Variants in TIAL1 observed in about 807,000 individuals in gnomAD.
TIAL1 encodes nucleolysin TIAR.
Under a neutral mutation model 59.7 loss-of-function variants are expected in TIAL1, and 7 were observed. That is an observed-to-expected ratio of 0.12 (90% CI 0.07 to 0.22). The LOEUF is 0.22. TIAL1 is among the 10% of genes least tolerant of loss of function. TIAL1 has a pLI of 1.00. For synonymous variants in TIAL1, 149 were observed against 146.3 expected, an observed-to-expected ratio of 1.02 and a Z score of -0.13; for missense variants, 225 against 462.5, an observed-to-expected ratio of 0.49 and a Z score of 4.71.
chr10:119,595,476 A>G (rs1214507487), intron 1 of TIAL1, among the ~76,000 whole-genome samples: 3 of 151,888 alleles, frequency 2.0e-5, no homozygotes, highest in Non-Finnish European at 1.5e-5. Context: ...GGAGTGCCAC[A>G]CTATTCAGAA....
chr10:119,584,995 C>T (rs1163023073), intron 2 of TIAL1, among the ~76,000 whole-genome samples: 1 of 151,502 alleles, frequency 6.6e-6, no homozygotes, highest in Non-Finnish European at 1.5e-5. Context: ...TGATGGCACG[C>T]ACCTGTAGTC....
chr10:119,575,626 AGCC>A lies in TIAL1; in HGVS notation c.*36_*38del. The A allele has an allele frequency of 6.2e-7, 1 of 1,611,356 alleles. No homozygotes were observed. Among genetic ancestry groups the A allele is most frequent in the East Asian group, 2.2e-5 (1 of 44,784 alleles). On this transcript the variant is annotated 3_prime_UTR_variant, in exon 12 of 12. Coordinates refer to ENST00000436547, the MANE Select transcript of TIAL1 (RefSeq NM_003252.4). ...TCTTCAGAGTGTCACAGGAAATCGA[AGCC>A]TATCATGAATTACAATTTTTTTTTA...
intron 10 of TIAL1, 137 bp from the exon 11 acceptor site, chr10:119,576,887 T>C: frequency 7.3e-7 from 1 of 1,375,386 alleles, no homozygotes. Context: ...ATTGTCTAAG[T>C]TTATTGGGGT....
chr10:119,579,219 T>C (rs1011984928), intron 6 of TIAL1, among the ~76,000 whole-genome samples: 1 of 152,064 alleles, frequency 6.6e-6, no homozygotes, highest in African/African-American at 2.4e-5. Context: ...ATGCTTGTAA[T>C]CCCAGCTACT....
chr10:119,590,750 C>G (rs80265729), intron 1 of TIAL1, among the ~76,000 whole-genome samples: 5 of 73,026 alleles, frequency 6.8e-5, no homozygotes, highest in East Asian at 3.7e-4. Context: ...GAGAGAGAGA[C>G]AGAGAGAAAG....
At position 119,582,385 on chromosome 10, in the gene TIAL1, G is replaced by T; in HGVS notation, c.228+74C>A. On this transcript the variant is annotated intron_variant, in intron 3 of 11. Transcript: ENST00000436547. This position sits in a 1 kb window ranked among gnomAD's most constrained non-coding sequence, Gnocchi z 5.1. ...CAGCCGAATATCTGCTCAAAAATTT[G>T]CCTAGAAAGAATACAAACTAGTTTG... The T allele has an allele frequency of 6.6e-7, 1 of 1,513,434 alleles. No individual in the cohort carries two copies. The highest frequency in any genetic ancestry group is 8.8e-7 in the Non-Finnish European group (1 of 1,134,528). The allele number at this position is 1,513,434 out of a possible 1,614,324, so 93.8% of individuals were successfully genotyped here.
At chr10:119,581,631 A>AT (rs1481051047) in intron 5 of TIAL1, 6 of 240,978 alleles carry the variant, frequency 2.5e-5, no homozygotes, top group Non-Finnish European at 4.8e-5. Flanking sequence ...GCTAGACTTT[A>AT]TAAGTTTTAC....
chr10:119,590,918 T>C (rs1469511256), intron 1 of TIAL1, among the ~76,000 whole-genome samples: 1 of 152,150 alleles, frequency 6.6e-6, no homozygotes, highest in African/African-American at 2.4e-5. Context: ...ATAAAACTGG[T>C]TTTCACATAT....
Position 119,574,572 on chromosome 10 carries a change from C to G in TIAL1, c.*1093G>C, listed in dbSNP as rs540733236. The G allele has an allele frequency of 9.9e-5, 3 of 30,328 alleles. No individual in the cohort carries two copies. Among genetic ancestry groups the G allele is most frequent in the Admixed American group, 5.0e-4 (1 of 1,996 alleles). 1.9% of individuals were successfully genotyped at this position (30,328 alleles called of 1,614,324 possible). ...GGTTTTAATCAAGGTATTTACATAC[C>G]AAGTAATGTAAAGCAAAAAAAAAAA... On this transcript the variant is annotated 3_prime_UTR_variant, in exon 12 of 12. Transcript: ENST00000436547.
At chr10:119,585,042 G>T (rs1007883456) in intron 2 of TIAL1, among the ~76,000 whole-genome samples, 1 of 144,110 alleles carries the variant, frequency 6.9e-6, no homozygotes, top group Non-Finnish European at 1.5e-5. Context: ...AGAATCACTT[G>T]AACCCAGGAG....
intron 1 of TIAL1, among the ~76,000 whole-genome samples, chr10:119,593,252 T>A (rs1845982713): frequency 6.6e-6 from 1 of 152,116 alleles, no homozygotes; most frequent in Non-Finnish European, 1.5e-5. Flanking sequence ...ATCTTGTTTG[T>A]TTTTTTAGAT....
rs2134024269 is a variant in TIAL1, at chr10:119,596,555, C to T, written c.-90G>A. On this transcript the variant is annotated 5_prime_UTR_variant, in exon 1 of 12. Transcript: ENST00000436547. ...GGAGGAAGGGGAGGGGGGCTCTGGGCACCGGCTGGGGACAGAGGAAAAGGC... is the reference window on the plus strand; with the variant it reads ...GGAGGAAGGGGAGGGGGGCTCTGGGTACCGGCTGGGGACAGAGGAAAAGGC... 2.1e-6 allele frequency: 2 copies of T among 964,576 alleles called. No individual in the cohort carries two copies. The highest frequency in any genetic ancestry group is 2.7e-5 in the East Asian group (1 of 37,306). 59.8% of individuals were successfully genotyped at this position (964,576 alleles called of 1,614,324 possible).
rs1238265718 is a variant in TIAL1, at chr10:119,575,688, T to C, written c.1105A>G (p.Met369Val). 25 of 1,613,206 alleles carry C rather than the reference T, an allele frequency of 1.5e-5. No homozygotes were observed. The highest frequency in any genetic ancestry group is 1.9e-5 in the Non-Finnish European group (23 of 1,179,646). ...IPPPNQAGYG[M>V]ASYQTQ ...GCTCACTGTGTTTGGTAACTTGCCA[T>C]ACCATATCCGGCTTGGTTAGGAGGA... The change falls in exon 12 of 12, where the codon ATG becomes GTG. Residue 369 changes from methionine (M) to valine (V), a missense_variant. Met to Val is a conservative substitution (Grantham distance 21). This residue lies in a region of TIAL1 where 68 missense variants were observed against 71.3 expected (regional missense o/e 0.95). Transcript: ENST00000436547.
chr10:119,575,925 A>G (rs971269010), intron 11 of TIAL1, 134 bp from the exon 12 acceptor site: 13 of 835,656 alleles, frequency 1.6e-5, no homozygotes, highest in Non-Finnish European at 2.1e-5. Context: ...AAATAGAAAG[A>G]TCAAAGAAAT....
chr10:119,596,642 G>C lies in TIAL1; in HGVS notation c.-177C>G. On this transcript the variant is annotated 5_prime_UTR_variant, in exon 1 of 12. Transcript: ENST00000436547. ...GCTCCGGACACTGCGCTCCAACCAG[G>C]AGGAGCAGGAGGAGGAGGAGGATGA... The C allele has an allele frequency of 1.7e-6, 1 of 601,840 alleles. No individual in the cohort carries two copies. Among genetic ancestry groups the C allele is most frequent in the Admixed American group, 3.0e-5 (1 of 33,688 alleles). 37.3% of individuals were successfully genotyped at this position (601,840 alleles called of 1,614,324 possible). A position where few individuals can be genotyped will look rare whatever the true frequency, so the allele number is the denominator to read the frequency against.
chr10:119,594,866 G>A (rs757430551), intron 1 of TIAL1, among the ~76,000 whole-genome samples: 4 of 152,070 alleles, frequency 2.6e-5, no homozygotes, highest in Non-Finnish European at 4.4e-5. Context: ...CTCGTGATCC[G>A]CCCACCTCGG....
rs966207366 is a variant in TIAL1 at position 119,575,406 on chromosome 10, T to C, written c.*259A>G. On this transcript the variant is annotated 3_prime_UTR_variant, in exon 12 of 12. Transcript: ENST00000436547. ...TTTCCTATTATATCAAAATTTGTAG[T>C]CAGAATTGTCTTTATTGACTTTATT... 1.3e-5 allele frequency: 4 copies of C among 304,206 alleles called. No individual in the cohort carries two copies. Among genetic ancestry groups the C allele is most frequent in the Non-Finnish European group, 2.4e-5 (4 of 164,688 alleles). 18.8% of individuals were successfully genotyped at this position (304,206 alleles called of 1,614,324 possible).
At chr10:119,577,887 C>T in intron 7 of TIAL1, 151 bp from the exon 8 acceptor site, 1 of 631,536 alleles carries the variant, frequency 1.6e-6, no homozygotes. Flanking sequence ...GTCAGGAGTT[C>T]GAGACCAGCC....
rs748711274 is a variant in TIAL1 at position 119,575,262 on chromosome 10, T to G, written c.*403A>C. 2.9e-5 allele frequency: 5 copies of G among 173,858 alleles called. No individual in the cohort carries two copies. The highest frequency in any genetic ancestry group is 4.9e-5 in the Non-Finnish European group (4 of 81,542). 10.8% of individuals were successfully genotyped at this position (173,858 alleles called of 1,614,324 possible). ...TCAGGATTCAGGATGAACTTATATG[T>G]GATTCCCAGGTTTTCACGATCCTCC... On this transcript the variant is annotated 3_prime_UTR_variant, in exon 12 of 12. Coordinates refer to ENST00000436547, the MANE Select transcript of TIAL1 (RefSeq NM_003252.4).
Sources: allele counts gnomAD v4.1 joint callset (sites outside exome capture counted in the v4.1 genomes callset), GRCh38; gene constraint gnomAD v4.1.1; regional missense constraint gnomAD v4.1.1; non-coding constraint Gnocchi (gnomAD v3.1); transcripts MANE v1.5; gene names NCBI Gene and HGNC (gene_info 2026-07-23, HGNC 2026-07-21).